Variants in PEBP4 observed in about 807,000 individuals in gnomAD.
The protein encoded by PEBP4 is phosphatidylethanolamine-binding protein 4.
A neutral mutation model predicts 23.9 loss-of-function variants in PEBP4; 22 were observed. The observed-to-expected ratio is 0.92, with a 90% CI of 0.66 to 1.31. The LOEUF is 1.31. Ranked by LOEUF, PEBP4 falls within the 40% of genes most tolerant of loss-of-function variation. The probability of loss-of-function intolerance (pLI) is 0.00; values close to 1 mark genes in which losing one functional copy is unlikely to be tolerated. For missense variants in PEBP4, 324 were observed against 281.7 expected (o/e 1.15, Z -1.07); for synonymous variants, 112 against 99.3 (o/e 1.13, Z -0.76).
chr8:22,785,108 C>T (rs1397248866), intron 4 of PEBP4, among the ~76,000 whole-genome samples: 3 of 152,206 alleles, frequency 2.0e-5, no homozygotes, highest in Non-Finnish European at 2.9e-5. Flanking sequence ...CTAGATGCTG[C>T]TCCCGTGGCA....
chr8:22,854,977 AGTGT>A (rs1294002575), intron 3 of PEBP4, among the ~76,000 whole-genome samples: 11 of 138,756 alleles, frequency 7.9e-5, no homozygotes, highest in Admixed American at 2.2e-4. Flanking sequence ...TGTCCAAATG[AGTGT>A]GTATGTGTGA....
intron 4 of PEBP4, among the ~76,000 whole-genome samples, chr8:22,769,102 C>A (rs1805667272): frequency 3.3e-5 from 5 of 152,192 alleles, no homozygotes; most frequent in Admixed American, 3.3e-4. Context: ...CGATCTCCTT[C>A]CCTCTCTACC....
At chr8:22,785,454 G>A (rs746440364) in intron 4 of PEBP4, among the ~76,000 whole-genome samples, 1 of 152,100 alleles carries the variant, frequency 6.6e-6, no homozygotes, top group Admixed American at 6.6e-5. Context: ...TCTCGGAGAC[G>A]CCCTATCTCT....
chr8:22,794,891 C>A (rs555875103), intron 4 of PEBP4, among the ~76,000 whole-genome samples: 2 of 151,928 alleles, frequency 1.3e-5, no homozygotes, highest in African/African-American at 4.8e-5. Context: ...CATTTACTTA[C>A]TTTGATTATG....
intron 3 of PEBP4, among the ~76,000 whole-genome samples, chr8:22,909,982 C>T (rs548712768): frequency 1.8e-4 from 27 of 152,348 alleles, no homozygotes; most frequent in Non-Finnish European, 2.9e-4. Flanking sequence ...AGTCTCACCA[C>T]GCCATGTAAT....
At chr8:22,788,148 T>C (rs1042106776) in intron 4 of PEBP4, among the ~76,000 whole-genome samples, 4 of 151,240 alleles carry the variant, frequency 2.6e-5, no homozygotes, top group Admixed American at 2.6e-4. Flanking sequence ...GGAGGGAACC[T>C]GGGAAGGATG....
At chr8:22,844,128 C>T (rs1807379458) in intron 3 of PEBP4, among the ~76,000 whole-genome samples, 2 of 152,180 alleles carry the variant, frequency 1.3e-5, no homozygotes, top group South Asian at 4.1e-4. Flanking sequence ...GATGCTTCTG[C>T]CTCTATAAAC....
intron 3 of PEBP4, among the ~76,000 whole-genome samples, chr8:22,915,501 CCTGT>C (rs1479932200): frequency 6.6e-6 from 1 of 152,064 alleles, no homozygotes; most frequent in South Asian, 2.1e-4. Flanking sequence ...TTGCCCGCTA[CCTGT>C]CTATCTCCCC....
intron 3 of PEBP4, among the ~76,000 whole-genome samples, chr8:22,830,902 C>T (rs903410188): frequency 3.9e-5 from 6 of 152,078 alleles, no homozygotes; most frequent in African/African-American, 1.2e-4. Context: ...TATTTTTTTC[C>T]AAAACACAAA....
At chr8:22,872,764 C>A (rs184170098) in intron 3 of PEBP4, among the ~76,000 whole-genome samples, 46 of 152,304 alleles carry the variant, frequency 3.0e-4, no homozygotes, top group African/African-American at 1.1e-3. Flanking sequence ...GCAACCTCTG[C>A]CTCCTGGGTT....
rs192784971 is a variant in PEBP4, at chr8:22,783,727, T to A, written c.357+33910A>T. ...TCTTACTCTGTTACCCAACCTCCCA[T>A]GCTCAAGTCATCCTCCTGCCCCAGA... On this transcript the variant is annotated intron_variant, in intron 4 of 6. Transcript: ENST00000256404. Among the ~76,000 whole-genome samples, 5 of 152,250 alleles carry A rather than the reference T, an allele frequency of 3.3e-5. No individual in the cohort carries two copies. The East Asian group carries it at 9.7e-4, about 29-fold the overall frequency.
chr8:22,765,887 T>G (rs374158564), intron 4 of PEBP4, among the ~76,000 whole-genome samples: 1 of 136,890 alleles, frequency 7.3e-6, no homozygotes, highest in East Asian at 2.2e-4. Context: ...GATCACCACC[T>G]GTGGATCACC....
chr8:22,720,906 T>C (rs146095683), intron 6 of PEBP4, among the ~76,000 whole-genome samples: 1 of 152,310 alleles, frequency 6.6e-6, no homozygotes, highest in East Asian at 1.9e-4. Flanking sequence ...GCGCCAAGTA[T>C]ACACTAGGCA....
intron 3 of PEBP4, among the ~76,000 whole-genome samples, chr8:22,870,624 G>A (rs1380113540): frequency 6.6e-6 from 1 of 152,190 alleles, no homozygotes; most frequent in African/African-American, 2.4e-5. Flanking sequence ...TTCCTCAAAT[G>A]TAACAAATGC....
intron 3 of PEBP4, among the ~76,000 whole-genome samples, chr8:22,910,525 G>A (rs1808916795): frequency 6.6e-6 from 1 of 152,150 alleles, no homozygotes; most frequent in Admixed American, 6.5e-5. Flanking sequence ...CCATCCACCT[G>A]GAATCCTTGC....
intron 4 of PEBP4, among the ~76,000 whole-genome samples, chr8:22,761,000 G>A (rs1261645625): frequency 6.6e-6 from 1 of 152,180 alleles, no homozygotes; most frequent in African/African-American, 2.4e-5. Flanking sequence ...TGTCATAGTA[G>A]CCTGACTTCC....
intron 4 of PEBP4, among the ~76,000 whole-genome samples, chr8:22,774,182 G>A (rs545516412): frequency 2.8e-4 from 42 of 152,314 alleles, no homozygotes; most frequent in Non-Finnish European, 4.6e-4. Context: ...GCCTCTTGCT[G>A]CTCCTTTCTT....
At chr8:22,797,419 G>T (rs914145620) in intron 4 of PEBP4, among the ~76,000 whole-genome samples, 4 of 152,032 alleles carry the variant, frequency 2.6e-5, no homozygotes, top group Admixed American at 2.6e-4. Flanking sequence ...GAGGCCCAAA[G>T]GAGATGAACA....
intron 1 of PEBP4, 30 bp from the exon 2 acceptor site, chr8:22,927,750 G>C (rs376279710): frequency 2.7e-5 from 43 of 1,612,222 alleles, no homozygotes; most frequent in Non-Finnish European, 3.5e-5. Flanking sequence ...AGAGCGGCTG[G>C]ATCCCCTGCA....
Sources: allele counts gnomAD v4.1 joint callset (sites outside exome capture counted in the v4.1 genomes callset), GRCh38; gene constraint gnomAD v4.1.1; transcripts MANE v1.5; gene names NCBI Gene and HGNC (gene_info 2026-07-23, HGNC 2026-07-21).